The following ASTN2 variants were observed in gnomAD, a reference collection of about 807,000 sequenced individuals.
The protein encoded by ASTN2 is astrotactin-2.
In ASTN2, 54 loss-of-function variants were observed where a neutral mutation model predicts 139.8. The observed-to-expected ratio is 0.39, with a 90% CI of 0.31 to 0.48. ASTN2 has a LOEUF of 0.48. Ranked by LOEUF, ASTN2 falls within the 20% of genes least tolerant of loss-of-function variation. The pLI, the probability that ASTN2 is intolerant of heterozygous loss-of-function variation, is 0.95. For missense variants in ASTN2, 1,565 were observed against 1,725.1 expected, an observed-to-expected ratio of 0.91 and a Z score of 1.64; for synonymous variants, 756 against 719.5, an observed-to-expected ratio of 1.05 and a Z score of -0.81.
intron 1 of ASTN2, among the ~76,000 whole-genome samples, chr9:117,315,343 G>A (rs986289227): frequency 6.6e-6 from 1 of 152,198 alleles, no homozygotes; most frequent in African/African-American, 2.4e-5. Flanking sequence ...CACAATTAGA[G>A]GCACTGCCTG....
intron 16 of ASTN2, among the ~76,000 whole-genome samples, chr9:116,710,599 C>T (rs911246509): frequency 2.0e-5 from 3 of 151,496 alleles, no homozygotes; most frequent in African/African-American, 4.9e-5. Flanking sequence ...GGCATGGTGG[C>T]GCATGCCTGT....
At chr9:116,974,724 G>T (rs1402536301) in intron 10 of ASTN2, among the ~76,000 whole-genome samples, 2 of 152,046 alleles carry the variant, frequency 1.3e-5, no homozygotes, top group Non-Finnish European at 2.9e-5. Flanking sequence ...GGCCAGGCTG[G>T]TCTCGAACTC....
At chr9:116,453,589 G>A (rs1319775228) in intron 20 of ASTN2, among the ~76,000 whole-genome samples, 3 of 46,448 alleles carry the variant, frequency 6.5e-5, no homozygotes, top group Non-Finnish European at 1.1e-4. Flanking sequence ...GCGAGACTCC[G>A]TCTCAAAAAA....
chr9:117,414,870 G>T lies in ASTN2; in HGVS notation c.69C>A (p.Cys23Ter). 2 of 1,006,682 alleles carry T rather than the reference G, an allele frequency of 2.0e-6. No individual in the cohort carries two copies. The highest frequency in any genetic ancestry group is 2.5e-6 in the Non-Finnish European group (2 of 809,160). 62.4% of individuals were successfully genotyped at this position (1,006,682 alleles called of 1,614,324 possible). The part of the protein sequence containing the change: ...GSGLRGRPRL[C>*]FHPGPPPLLP... ...GCAGTGGCGGCGGCCCCGGGTGGAA[G>T]CAGAGCCTCGGCCGCCCCCGGAGCC... The change falls in exon 1 of 23, where the codon TGC (cysteine) becomes TGA (stop). Residue 23 changes from cysteine to a stop codon, truncating the protein, a stop_gained. Coordinates refer to ENST00000313400, the MANE Select transcript of ASTN2 (RefSeq NM_001365068.1). LOFTEE classifies it high-confidence loss of function. The surrounding 1 kb of genome is among the most constrained non-coding windows in gnomAD (Gnocchi z 4.2).
intron 7 of ASTN2, among the ~76,000 whole-genome samples, chr9:117,002,816 C>A (rs982368298): frequency 6.6e-6 from 1 of 152,076 alleles, no homozygotes; most frequent in African/African-American, 2.4e-5. Context: ...GGTGATAGTT[C>A]CAGACAAGGA....
At chr9:116,632,166 G>GAC (rs1856790761) in intron 17 of ASTN2, among the ~76,000 whole-genome samples, 11 of 36,076 alleles carry the variant, frequency 3.0e-4, no homozygotes, top group South Asian at 3.3e-3. Flanking sequence ...GACAGAGAGA[G>GAC]AGAGAGAGAG....
chr9:116,431,749 C>A (rs1847504626), intron 22 of ASTN2, among the ~76,000 whole-genome samples: 1 of 152,140 alleles, frequency 6.6e-6, no homozygotes, highest in Non-Finnish European at 1.5e-5. Flanking sequence ...AATCCCTAAC[C>A]CAATTTTAGA....
intron 17 of ASTN2, among the ~76,000 whole-genome samples, chr9:116,633,897 G>T (rs1378894554): frequency 6.6e-6 from 1 of 152,134 alleles, no homozygotes; most frequent in African/African-American, 2.4e-5. Context: ...GGAAGTGGTA[G>T]ATTCTTATCA....
intron 16 of ASTN2, among the ~76,000 whole-genome samples, chr9:116,655,767 T>G (rs549080580): frequency 6.6e-6 from 1 of 152,322 alleles, no homozygotes; most frequent in Middle Eastern, 3.4e-3. Flanking sequence ...CTCAGCTCAC[T>G]GAAATCTCTG....
chr9:116,616,448 C>A (rs989183412), intron 19 of ASTN2, among the ~76,000 whole-genome samples: 1 of 152,176 alleles, frequency 6.6e-6, no homozygotes, highest in African/African-American at 2.4e-5. Context: ...TCTACATAGT[C>A]TATAAGAACA....
chr9:116,937,165 C>A (rs1029276150), intron 10 of ASTN2, among the ~76,000 whole-genome samples: 17 of 152,248 alleles, frequency 1.1e-4, no homozygotes, highest in African/African-American at 3.4e-4. Context: ...TCTGGTAATT[C>A]TTTTTCCGCC....
At position 116,698,432 on chromosome 9, in the gene ASTN2, TG is replaced by T. The variant is rs747685252; in HGVS notation, c.2806+27338del. 2.7e-5 allele frequency: 44 copies of T among 1,613,948 alleles called. No homozygotes were observed. Among genetic ancestry groups the T allele is most frequent in the Non-Finnish European group, 3.6e-5 (42 of 1,180,018 alleles). ...AGGAGCAGAGTTACCTGCTTAACATTGCAGAGGTGCAGGCTGTGTCTCGCTG... is the reference window on the plus strand; with the variant it reads ...AGGAGCAGAGTTACCTGCTTAACATTCAGAGGTGCAGGCTGTGTCTCGCTG... On this transcript the variant is annotated intron_variant, in intron 16 of 22. Coordinates refer to ENST00000313400, the MANE Select transcript of ASTN2 (RefSeq NM_001365068.1). The surrounding 1 kb of genome is among the most constrained non-coding windows in gnomAD (Gnocchi z 4.4).
chr9:117,103,957 C>T (rs1829043123), intron 4 of ASTN2, among the ~76,000 whole-genome samples: 4 of 152,062 alleles, frequency 2.6e-5, no homozygotes, highest in African/African-American at 7.2e-5. Context: ...ACCACAACTG[C>T]TACCTGCCAT....
At chr9:117,092,183 A>C (rs1482459102) in intron 5 of ASTN2, among the ~76,000 whole-genome samples, 2 of 152,212 alleles carry the variant, frequency 1.3e-5, no homozygotes, top group African/African-American at 4.8e-5. Flanking sequence ...TCTTTCAGGA[A>C]GCCCTCCCAC....
At chr9:116,523,899 G>C (rs1430491817) in intron 19 of ASTN2, among the ~76,000 whole-genome samples, 1 of 152,198 alleles carries the variant, frequency 6.6e-6, no homozygotes, top group Non-Finnish European at 1.5e-5. Context: ...CAAAGGAACA[G>C]AGCTGAGTTC....
At chr9:117,361,882 C>T (rs531441845) in intron 1 of ASTN2, among the ~76,000 whole-genome samples, 1 of 152,216 alleles carries the variant, frequency 6.6e-6, no homozygotes, top group South Asian at 2.1e-4. Flanking sequence ...ATATGATACC[C>T]AGCAGATAAC....
chr9:117,059,906 T>C (rs2132682979), intron 5 of ASTN2, among the ~76,000 whole-genome samples: 1 of 152,264 alleles, frequency 6.6e-6, no homozygotes, highest in East Asian at 1.9e-4. Context: ...CTGGTTTATC[T>C]TTGGGATGGG....
At chr9:116,974,506 C>T (rs1446430710) in intron 10 of ASTN2, among the ~76,000 whole-genome samples, 66 of 110,836 alleles carry the variant, frequency 6.0e-4, no homozygotes, top group Admixed American at 1.2e-3. Flanking sequence ...TTAGCCTGGA[C>T]TTTTTTTTTT....
intron 6 of ASTN2, among the ~76,000 whole-genome samples, chr9:117,023,471 CCCAACTCT>C (rs1194587557): frequency 1.3e-5 from 2 of 152,142 alleles, no homozygotes; most frequent in Non-Finnish European, 2.9e-5. Flanking sequence ...AGCCTTCTAT[CCCAACTCT>C]CCTCTATTTT....
Sources: gnomAD v4.1 joint callset for allele counts (sites outside exome capture counted in the v4.1 genomes callset) on GRCh38, gnomAD v4.1.1 for gene constraint, Gnocchi (gnomAD v3.1) non-coding constraint, MANE v1.5 for transcripts, NCBI Gene and HGNC (gene_info 2026-07-23, HGNC 2026-07-21) for gene names.